ROBO1: variants seen among roughly 807,000 people sequenced by gnomAD.
ROBO1 encodes the protein roundabout homolog 1.
In ROBO1, 149 loss-of-function variants were observed where a neutral mutation model predicts 195.9. That is an observed-to-expected ratio of 0.76 (90% confidence interval 0.67 to 0.87). The LOEUF (loss-of-function observed/expected upper bound fraction) is 0.87, where lower values mean the gene tolerates loss of function less well. Ranked by LOEUF, ROBO1 falls within the 40% of genes least tolerant of loss-of-function variation. ROBO1 has a pLI of 0.00. For missense variants in ROBO1, 1,933 were observed against 2,068.3 expected, an observed-to-expected ratio of 0.93 and a Z score of 1.27; for synonymous variants, 816 against 733.2, an observed-to-expected ratio of 1.11 and a Z score of -1.82.
At chr3:79,487,762 C>T (rs7612183) in intron 2 of ROBO1, among the ~76,000 whole-genome samples, 111,704 of 152,048 alleles carry the variant, frequency 0.73, 41,823 homozygotes, top group African/African-American at 0.89. Context: ...ACCATTACTC[C>T]ACTAAATTAA....
intron 3 of ROBO1, among the ~76,000 whole-genome samples, chr3:79,057,778 C>G (rs2078839925): frequency 6.6e-6 from 1 of 152,028 alleles, no homozygotes; most frequent in South Asian, 2.1e-4. Flanking sequence ...TGTGCCTTTT[C>G]CTCCACTTAT....
chr3:78,622,172 C>A (rs1016120697), intron 26 of ROBO1, among the ~76,000 whole-genome samples: 1 of 152,038 alleles, frequency 6.6e-6, no homozygotes, highest in South Asian at 2.1e-4. Flanking sequence ...TGTTGATCAC[C>A]TAGTTTACCC....
intron 2 of ROBO1, among the ~76,000 whole-genome samples, chr3:79,342,236 A>C (rs2109228278): frequency 6.6e-6 from 1 of 152,324 alleles, no homozygotes; most frequent in African/African-American, 2.4e-5. Context: ...TGAGCAGGAA[A>C]GTGACATGAT....
At chr3:79,135,495 A>C (rs1459557651) in intron 2 of ROBO1, among the ~76,000 whole-genome samples, 1 of 152,240 alleles carries the variant, frequency 6.6e-6, no homozygotes, top group Non-Finnish European at 1.5e-5. Context: ...AAAAAATAAC[A>C]TACTTAGTTT....
At chr3:79,091,213 A>T (rs995390551) in intron 3 of ROBO1, among the ~76,000 whole-genome samples, 17 of 152,140 alleles carry the variant, frequency 1.1e-4, no homozygotes, top group African/African-American at 2.4e-4. Context: ...ATAACTTTTT[A>T]AAAAATTGTG....
intron 4 of ROBO1, among the ~76,000 whole-genome samples, chr3:78,854,008 A>C (rs2034244804): frequency 6.6e-6 from 1 of 152,166 alleles, no homozygotes; most frequent in Admixed American, 6.6e-5. Context: ...GCTACAATTC[A>C]AGATGAGATT....
intron 2 of ROBO1, among the ~76,000 whole-genome samples, chr3:79,129,847 T>C (rs2080293598): frequency 1.3e-5 from 2 of 150,594 alleles, no homozygotes; most frequent in Admixed American, 1.3e-4. Flanking sequence ...CATCTTGAAT[T>C]GATTTTTGTA....
intron 4 of ROBO1, among the ~76,000 whole-genome samples, chr3:78,926,138 G>A (rs1159508542): frequency 6.6e-6 from 1 of 152,030 alleles, no homozygotes; most frequent in African/African-American, 2.4e-5. Flanking sequence ...CAAAGTGCTG[G>A]GATTATAGGC....
chr3:78,947,676 A>G (rs1012014772), intron 3 of ROBO1, among the ~76,000 whole-genome samples: 1 of 152,222 alleles, frequency 6.6e-6, no homozygotes, highest in African/African-American at 2.4e-5. Context: ...CCAAGAACAG[A>G]GCAGAACTGA....
At chr3:79,275,078 C>T (rs1202456990) in intron 2 of ROBO1, among the ~76,000 whole-genome samples, 1 of 151,958 alleles carries the variant, frequency 6.6e-6, no homozygotes, top group Non-Finnish European at 1.5e-5. Context: ...ACCAATCCTA[C>T]TTAAACTATT....
At chr3:79,598,458 T>C (rs9814178) in intron 1 of ROBO1, among the ~76,000 whole-genome samples, 25,402 of 152,060 alleles carry the variant, frequency 0.17, 3,332 homozygotes, top group African/African-American at 0.36. Flanking sequence ...TGTTTAAAGA[T>C]ATTGTTTTAA....
intron 4 of ROBO1, among the ~76,000 whole-genome samples, chr3:78,846,395 A>T (rs72896433): frequency 0.06 from 9,183 of 152,136 alleles, 553 homozygotes; most frequent in African/African-American, 0.16. Context: ...AAATGGATGC[A>T]AATCCTCCCC....
intron 2 of ROBO1, among the ~76,000 whole-genome samples, chr3:79,188,018 A>C (rs1274589026): frequency 6.6e-6 from 1 of 151,930 alleles, no homozygotes; most frequent in Non-Finnish European, 1.5e-5. Context: ...TATTTCTCTG[A>C]TAAAAACAAA....
At chr3:79,579,816 G>T (rs1008782468) in intron 2 of ROBO1, among the ~76,000 whole-genome samples, 25 of 152,006 alleles carry the variant, frequency 1.6e-4, no homozygotes, top group African/African-American at 6.0e-4. Context: ...AAAGAGATAG[G>T]AAAAAAGTGA....
At position 78,659,699 on chromosome 3, in the gene ROBO1, A is replaced by G; in HGVS notation, c.2429T>C (p.Val810Ala). 6.4e-7 allele frequency: 1 copy of G among 1,550,706 alleles called. No homozygotes were observed. The highest frequency in any genetic ancestry group is 2.4e-5 in the East Asian group (1 of 41,282). ...TTATACTCATACCTTATACTCTTGG[A>G]CCATTCCATTTTGAGTGTCTTCTGG... The part of the protein sequence containing the change: ...PPPEDTQNGM[V>A]QEYKVWCLGN... Residue 810 changes from valine (V) to alanine (A), a missense_variant, in exon 17 of 31, where the codon GTC becomes GCC. By Grantham distance (64) the Val-to-Ala change is moderately conservative. This residue lies in a region of ROBO1 where 1,737 missense variants were observed against 1,882.5 expected (regional missense o/e 0.92). Transcript: ENST00000464233.
At chr3:79,061,517 G>C (rs1019136824) in intron 3 of ROBO1, among the ~76,000 whole-genome samples, 3 of 152,002 alleles carry the variant, frequency 2.0e-5, no homozygotes, top group Non-Finnish European at 4.4e-5. Context: ...AGTTCATATG[G>C]AATCAAGAAA....
intron 3 of ROBO1, among the ~76,000 whole-genome samples, chr3:79,005,221 TCCCTGC>T (rs2077593126): frequency 6.6e-6 from 1 of 152,178 alleles, no homozygotes; most frequent in African/African-American, 2.4e-5. Flanking sequence ...CCTGACCTCT[TCCCTGC>T]CCGTGCCTTG....
intron 8 of ROBO1, among the ~76,000 whole-genome samples, chr3:78,711,410 T>C (rs183664772): frequency 0.053 from 3,927 of 74,544 alleles, 68 homozygotes; most frequent in African/African-American, 0.071. Context: ...TTTCTTTCTT[T>C]CTTTCTTTCT....
chr3:78,661,084 T>TA lies in ROBO1; in HGVS notation c.2265dup (p.Asn756Ter). 1.2e-6 allele frequency: 2 copies of TA among 1,613,498 alleles called. No individual in the cohort carries two copies. The highest frequency in any genetic ancestry group is 1.7e-6 in the Non-Finnish European group (2 of 1,179,666). On this transcript the variant is annotated frameshift_variant, in exon 16 of 31. Coordinates refer to ENST00000464233, the MANE Select transcript of ROBO1 (RefSeq NM_002941.4). LOFTEE classifies it high-confidence loss of function. ...TCACTATCTGCTCCTTGAAATTCAT[T>TA]AAAAAAAGGGCGAGCCTTAATTTCA...
Sources: gnomAD v4.1 joint callset for allele counts (sites outside exome capture counted in the v4.1 genomes callset) on GRCh38, gnomAD v4.1.1 for gene constraint, gnomAD v4.1.1 regional missense constraint, MANE v1.5 for transcripts, NCBI Gene and HGNC (gene_info 2026-07-23, HGNC 2026-07-21) for gene names.